RIMS2: variants seen among roughly 807,000 people sequenced by gnomAD.
RIMS2 encodes the protein regulating synaptic membrane exocytosis 2.
RIMS2 carries 59 observed loss-of-function variants against 174.4 expected under a neutral mutation model. That is an observed-to-expected ratio of 0.34 (90% CI 0.27 to 0.42). The LOEUF (loss-of-function observed/expected upper bound fraction) is 0.42. Ranked by LOEUF, RIMS2 falls within the 10% of genes least tolerant of loss-of-function variation. RIMS2 has a pLI of 1.00. For synonymous variants in RIMS2, 606 were observed against 572.5 expected (o/e 1.06, Z -0.84); for missense variants, 1,620 against 1,666.3 (o/e 0.97, Z 0.48).
intron 19 of RIMS2, among the ~76,000 whole-genome samples, chr8:104,015,034 C>T (rs1466667674): frequency 2.0e-5 from 3 of 152,010 alleles, no homozygotes; most frequent in African/African-American, 7.2e-5. Flanking sequence ...AACTGGAGAA[C>T]AAGAAAAAGG....
intron 3 of RIMS2, among the ~76,000 whole-genome samples, chr8:103,786,547 G>A (rs2098445362): frequency 6.6e-6 from 1 of 152,136 alleles, no homozygotes; most frequent in South Asian, 2.1e-4. Context: ...TCATTCAGGA[G>A]CAGGTTGTTC....
At chr8:103,825,446 A>T (rs1052484384) in intron 3 of RIMS2, among the ~76,000 whole-genome samples, 5 of 131,850 alleles carry the variant, frequency 3.8e-5, no homozygotes, top group Non-Finnish European at 3.2e-5. Flanking sequence ...TGGCTAGCTA[A>T]TTTTTTTTTT....
chr8:103,980,140 C>A (rs993632592), intron 16 of RIMS2, among the ~76,000 whole-genome samples: 1 of 152,156 alleles, frequency 6.6e-6, no homozygotes, highest in African/African-American at 2.4e-5. Context: ...TCCTCCAACC[C>A]CAGGCAGTGC....
chr8:103,773,166 A>C (rs900880930), intron 3 of RIMS2, among the ~76,000 whole-genome samples: 3 of 152,190 alleles, frequency 2.0e-5, no homozygotes, highest in Non-Finnish European at 4.4e-5. Context: ...ACAACAAATT[A>C]GACTTCATCA....
In RIMS2 at chr8:103,758,749, G is replaced by C. The variant is rs1358512787; in HGVS notation, c.388-7478G>C. ...AGTCTTTCTATTGAAAGACATGTCTGCTTTTAGCAGAAGAAAGGTTAAAAG... is the reference window on the plus strand; with the variant it reads ...AGTCTTTCTATTGAAAGACATGTCTCCTTTTAGCAGAAGAAAGGTTAAAAG... On this transcript the variant is annotated intron_variant, in intron 2 of 23. Coordinates refer to ENST00000504942, the Ensembl canonical transcript of RIMS2. Among the ~76,000 whole-genome samples, 41 of 152,266 alleles carry C rather than the reference G, an allele frequency of 2.7e-4. 1 individual carries two copies. The highest frequency in any genetic ancestry group is 2.9e-5 in the Non-Finnish European group (2 of 68,006).
chr8:104,190,935 G>T (rs199932209), intron 19 of RIMS2, among the ~76,000 whole-genome samples: 7 of 144,514 alleles, frequency 4.8e-5, no homozygotes, highest in South Asian at 4.3e-4. Context: ...CTCTTTTTTT[G>T]TTTTTTTTTT....
chr8:103,955,294 C>CA (rs1381729135), intron 14 of RIMS2, among the ~76,000 whole-genome samples: 2 of 151,922 alleles, frequency 1.3e-5, no homozygotes, highest in Non-Finnish European at 2.9e-5. Context: ...AGAGACACAA[C>CA]AAAAAAAGAC....
chr8:103,581,069 C>T (rs58596288), intron 1 of RIMS2, among the ~76,000 whole-genome samples: 18,857 of 151,864 alleles, frequency 0.12, 1,264 homozygotes, highest in Middle Eastern at 0.23. Flanking sequence ...CTGCCCGCCT[C>T]GGCCTCCCAA....
Position 103,786,467 on chromosome 8 carries a change from T to A in RIMS2, c.698+19930T>A, listed in dbSNP as rs1370055416. Among the ~76,000 whole-genome samples, 4 of 152,232 alleles carry A rather than the reference T, an allele frequency of 2.6e-5. No individual in the cohort carries two copies. The South Asian group carries it at 8.3e-4, about 32-fold the overall frequency. ...ATGCGTCCCAGAGATTCTGGTATGTTGTGTCTTTGTTCTCGTTGGTTTCAA... is the reference window on the plus strand; with the variant it reads ...ATGCGTCCCAGAGATTCTGGTATGTAGTGTCTTTGTTCTCGTTGGTTTCAA... On this transcript the variant is annotated intron_variant, in intron 3 of 23. Coordinates refer to ENST00000504942, the Ensembl canonical transcript of RIMS2.
intron 1 of RIMS2, among the ~76,000 whole-genome samples, chr8:103,577,909 G>A (rs1015328275): frequency 6.6e-6 from 1 of 151,922 alleles, no homozygotes; most frequent in African/African-American, 2.4e-5. Flanking sequence ...ACTGAAATAT[G>A]AAATACTGAA....
chr8:103,630,834 C>T (rs1469723338), intron 1 of RIMS2, among the ~76,000 whole-genome samples: 4 of 152,042 alleles, frequency 2.6e-5, no homozygotes, highest in Non-Finnish European at 5.9e-5. Flanking sequence ...ACAGGTGGAA[C>T]ACAGCCCAAA....
At chr8:103,722,020 T>C (rs943842305) in intron 2 of RIMS2, among the ~76,000 whole-genome samples, 5 of 152,062 alleles carry the variant, frequency 3.3e-5, no homozygotes, top group South Asian at 2.1e-4. Context: ...TATGAAGATA[T>C]TGAATTTGGA....
At chr8:103,916,221 C>T (rs1488990179) in intron 7 of RIMS2, among the ~76,000 whole-genome samples, 193 bp from the exon 11 acceptor site, 2 of 152,004 alleles carry the variant, frequency 1.3e-5, no homozygotes, top group Non-Finnish European at 2.9e-5. Context: ...CGATCATTGT[C>T]CTTTCCTGTG....
Position 103,798,204 on chromosome 8 carries a change from G to C in RIMS2, c.698+31667G>C, listed in dbSNP as rs2098567503. Among the ~76,000 whole-genome samples, 3 of 152,094 alleles carry C rather than the reference G, an allele frequency of 2.0e-5. No individual in the cohort carries two copies. The South Asian group carries it at 6.2e-4, about 32-fold the overall frequency. On this transcript the variant is annotated intron_variant, in intron 3 of 23. Transcript: ENST00000504942. Reference sequence around the variant, plus strand: ...CTAATAAGTCAGGATTAATGATATAGTTATATAAACATAAATATTTGAAAT... The same window carrying C: ...CTAATAAGTCAGGATTAATGATATACTTATATAAACATAAATATTTGAAAT...
At chr8:103,593,773 A>G (rs1383778853) in intron 1 of RIMS2, among the ~76,000 whole-genome samples, 1 of 151,340 alleles carries the variant, frequency 6.6e-6, no homozygotes, top group Non-Finnish European at 1.5e-5. Context: ...TACATAACAG[A>G]TAACTTATGT....
intron 3 of RIMS2, among the ~76,000 whole-genome samples, chr8:103,829,351 A>G (rs928591576): frequency 2.0e-5 from 3 of 152,174 alleles, no homozygotes; most frequent in Admixed American, 2.0e-4. Context: ...CAACCCAGCA[A>G]TCCCATTACT....
chr8:103,659,820 G>T (rs1219229183), intron 1 of RIMS2, among the ~76,000 whole-genome samples: 1 of 152,236 alleles, frequency 6.6e-6, no homozygotes, highest in Non-Finnish European at 1.5e-5. Context: ...GTTTCACTGA[G>T]ATTGGCAGTG....
At chr8:104,121,188 T>G (rs547518950) in intron 19 of RIMS2, among the ~76,000 whole-genome samples, 3 of 152,188 alleles carry the variant, frequency 2.0e-5, no homozygotes, top group South Asian at 4.1e-4. Flanking sequence ...TAATCACTGC[T>G]ATTATAAAGA....
intron 19 of RIMS2, among the ~76,000 whole-genome samples, chr8:104,096,549 A>T (rs1598738554): frequency 1.3e-5 from 2 of 152,178 alleles, no homozygotes. Flanking sequence ...GGAACATGCC[A>T]AGAAGTATCA....
Sources: gnomAD v4.1 joint callset for allele counts (sites outside exome capture counted in the v4.1 genomes callset) on GRCh38, gnomAD v4.1.1 for gene constraint, MANE v1.5 for transcripts, NCBI Gene and HGNC (gene_info 2026-07-23, HGNC 2026-07-21) for gene names.